The following THSD7A variants were observed in gnomAD, a reference collection of about 807,000 sequenced individuals.
THSD7A encodes thrombospondin type 1 domain containing 7A, also known as thrombospondin type-1 domain-containing protein 7A.
THSD7A carries 96 observed loss-of-function variants against 231.3 expected under a neutral mutation model. The ratio of observed to expected loss-of-function variants is 0.41; its 90% CI spans 0.35 to 0.49. THSD7A has a LOEUF of 0.49. THSD7A is among the 20% of genes least tolerant of loss of function. The probability of loss-of-function intolerance (pLI) is 0.05; values close to 1 mark genes in which losing one functional copy is unlikely to be tolerated. For synonymous variants in THSD7A, 940 were observed against 743.3 expected (o/e 1.26, Z -4.30); for missense variants, 2,290 against 2,070.2 (o/e 1.11, Z -2.06).
intron 6 of THSD7A, among the ~76,000 whole-genome samples, chr7:11,519,771 T>A (rs1003242252): frequency 6.6e-6 from 1 of 152,140 alleles, no homozygotes; most frequent in Non-Finnish European, 1.5e-5. Flanking sequence ...ATATAGTTGT[T>A]GATAATATTG....
chr7:11,478,819 C>A (rs2128303916), intron 7 of THSD7A, among the ~76,000 whole-genome samples: 1 of 152,162 alleles, frequency 6.6e-6, no homozygotes, highest in East Asian at 1.9e-4. Context: ...ACAATAAGAA[C>A]ACTGAGTAAA....
At chr7:11,386,866 C>G (rs937979307) in intron 23 of THSD7A, among the ~76,000 whole-genome samples, 1 of 152,120 alleles carries the variant, frequency 6.6e-6, no homozygotes, top group Admixed American at 6.5e-5. Context: ...CGTCTTTAAT[C>G]CATCTTGAGT....
At chr7:11,460,136 G>A (rs1315491104) in intron 11 of THSD7A, among the ~76,000 whole-genome samples, 1 of 152,022 alleles carries the variant, frequency 6.6e-6, no homozygotes, top group East Asian at 1.9e-4. Flanking sequence ...TTGTAATTAA[G>A]TAAATAAGTC....
At position 11,636,525 on chromosome 7, in the gene THSD7A, G is replaced by C. The variant is rs777592857; in HGVS notation, c.627C>G (p.Thr209=). The C allele has an allele frequency of 8.1e-6, 13 of 1,613,808 alleles. No homozygotes were observed. In the South Asian group the frequency reaches 1.4e-4, roughly 18 times the overall value. ...EFSAWSECSK[T]CGSGLQHRTR... is the part of the protein sequence containing the mutation. ...TCCGGTGCTGGAGCCCGCTGCCGCA[G>C]GTCTTGGAGCATTCGGACCAGGCAG... is the stretch of plus-strand genomic sequence containing the variant. The change falls in exon 2 of 28, where the codon ACC becomes ACG. Residue 209 remains threonine, a synonymous_variant. Transcript: ENST00000423059. The surrounding 1 kb of genome is among the most constrained non-coding windows in gnomAD (Gnocchi z 10.0).
chr7:11,804,782 A>G (rs1270971068), intron 1 of THSD7A, among the ~76,000 whole-genome samples: 2 of 152,122 alleles, frequency 1.3e-5, no homozygotes, highest in Non-Finnish European at 2.9e-5. Context: ...TGTTTGCTTA[A>G]TGAGTTGCTT....
In THSD7A at chr7:11,411,010, G is replaced by A. The variant is rs537481815; in HGVS notation, c.3798+197C>T. On this transcript the variant is annotated intron_variant, in intron 19 of 27. Coordinates refer to ENST00000423059, the MANE Select transcript of THSD7A (RefSeq NM_015204.3). The surrounding 1 kb of genome is among the most constrained non-coding windows in gnomAD (Gnocchi z 4.1). ...GCATACCTTTGGGCTCCAAGCAGAA[G>A]AAAATACAGGAAATTATATGTAGGA... Among the ~76,000 whole-genome samples, 2 of 151,894 alleles carry A rather than the reference G, an allele frequency of 1.3e-5. No individual in the cohort carries two copies. Among genetic ancestry groups the A allele is most frequent in the African/African-American group, 4.8e-5 (2 of 41,452 alleles).
chr7:11,712,976 T>A (rs1781015974), intron 1 of THSD7A, among the ~76,000 whole-genome samples: 1 of 151,160 alleles, frequency 6.6e-6, no homozygotes, highest in Non-Finnish European at 1.5e-5. Flanking sequence ...CTCCGTCTTT[T>A]TTACTTCCAT....
chr7:11,751,040 G>A (rs1034734461), intron 1 of THSD7A: 1 of 151,980 alleles, frequency 6.6e-6, no homozygotes, highest in Non-Finnish European at 1.5e-5. Context: ...AAAACAGGGG[G>A]ATTCAGAACA....
intron 6 of THSD7A, among the ~76,000 whole-genome samples, chr7:11,501,014 T>TA (rs146452497): frequency 0.18 from 25,792 of 141,710 alleles, 2,465 homozygotes; most frequent in South Asian, 0.28. Context: ...CCAACAAAGA[T>TA]AAAAAAAAAA....
chr7:11,813,382 C>T (rs7793940), intron 1 of THSD7A, among the ~76,000 whole-genome samples: 47,025 of 151,870 alleles, frequency 0.31, 7,447 homozygotes, highest in Middle Eastern at 0.45. Flanking sequence ...CCGAAATTCA[C>T]AAAAAACATA....
chr7:11,521,565 T>C lies in THSD7A; in HGVS notation c.1822+19854A>G, dbSNP rs1030234261. On this transcript the variant is annotated intron_variant, in intron 6 of 27. Coordinates refer to ENST00000423059, the MANE Select transcript of THSD7A (RefSeq NM_015204.3). ...TGCAGGTTAGTTACATATGTATACA[T>C]GTGCCATGCTGGTGCGCTGCACCCA... 1.8e-4 allele frequency among the ~76,000 whole-genome samples: 26 copies of C among 143,478 alleles called. 5 individuals are homozygous for C. Among genetic ancestry groups the C allele is most frequent in the African/African-American group, 7.1e-4 (26 of 36,748 alleles). The allele number at this position is 143,478 out of a possible 152,430, so 94.1% of individuals were successfully genotyped here. A position where few individuals can be genotyped will look rare whatever the true frequency, so the allele number is the denominator to read the frequency against.
At chr7:11,385,652 T>C (rs983930140) in intron 23 of THSD7A, 1 of 152,164 alleles carries the variant, frequency 6.6e-6, no homozygotes, top group African/African-American at 2.4e-5. Context: ...TATAGTCATA[T>C]TATTAAATAT....
intron 1 of THSD7A, among the ~76,000 whole-genome samples, chr7:11,722,883 T>C (rs573201398): frequency 6.6e-6 from 1 of 152,016 alleles, no homozygotes; most frequent in African/African-American, 2.4e-5. Flanking sequence ...CTGGTGGGAC[T>C]GTAAACTAAT....
chr7:11,587,760 C>T (rs762603013), intron 4 of THSD7A, among the ~76,000 whole-genome samples: 3 of 152,122 alleles, frequency 2.0e-5, no homozygotes, highest in Admixed American at 2.0e-4. Context: ...ATGCTTCCTG[C>T]CTTTATGCTA....
At chr7:11,432,915 T>A (rs947567298) in intron 13 of THSD7A, among the ~76,000 whole-genome samples, 9 of 151,956 alleles carry the variant, frequency 5.9e-5, no homozygotes, top group Non-Finnish European at 7.4e-5. Flanking sequence ...AAAAATGGGA[T>A]CACAAATTTG....
At chr7:11,405,167 T>TTTTA (rs202235060) in intron 22 of THSD7A, among the ~76,000 whole-genome samples, 1 of 151,334 alleles carries the variant, frequency 6.6e-6, no homozygotes. Context: ...TTTTTTTTTT[T>TTTTA]ACGAAGGAAT....
At chr7:11,514,165 T>A (rs547180456) in intron 6 of THSD7A, among the ~76,000 whole-genome samples, 1 of 152,140 alleles carries the variant, frequency 6.6e-6, no homozygotes, top group East Asian at 1.9e-4. Flanking sequence ...CCACTCAAAA[T>A]AAAATAATAC....
At chr7:11,753,473 TA>T in intron 1 of THSD7A, among the ~76,000 whole-genome samples, 1 of 151,882 alleles carries the variant, frequency 6.6e-6, no homozygotes, top group Admixed American at 6.6e-5. Context: ...TGCTATAGCT[TA>T]AACTTAGGGG....
rs1453295017 is a variant in THSD7A at position 11,466,437 on chromosome 7, T to C, written c.2368+3442A>G. 2.0e-5 allele frequency among the ~76,000 whole-genome samples: 3 copies of C among 152,126 alleles called. No individual in the cohort carries two copies. The East Asian group carries it at 5.8e-4, about 29-fold the overall frequency. ...GCTTTCTGTAACACCATTGTCTCCTTATTCTCAGTTACAGCAGTCTACAGG... is the reference window on the plus strand; with the variant it reads ...GCTTTCTGTAACACCATTGTCTCCTCATTCTCAGTTACAGCAGTCTACAGG... On this transcript the variant is annotated intron_variant, in intron 9 of 27. Coordinates refer to ENST00000423059, the MANE Select transcript of THSD7A (RefSeq NM_015204.3).
Sources: gnomAD v4.1 joint callset for allele counts (sites outside exome capture counted in the v4.1 genomes callset) on GRCh38, gnomAD v4.1.1 for gene constraint, Gnocchi (gnomAD v3.1) non-coding constraint, MANE v1.5 for transcripts, NCBI Gene and HGNC (gene_info 2026-07-23, HGNC 2026-07-21) for gene names.